Variants in ANLN observed in about 807,000 individuals in gnomAD.
ANLN encodes anillin, actin binding protein, also known as anillin.
Under a neutral mutation model 135.1 loss-of-function variants are expected in ANLN, and 59 were observed. That is an observed-to-expected ratio of 0.44 (90% confidence interval 0.35 to 0.54). The LOEUF is 0.54. Among genes scored for constraint, ANLN ranks in the 20% least tolerant of loss-of-function variants. The pLI is 0.00. For missense variants in ANLN, 1,182 were observed against 1,340.0 expected (o/e 0.88, Z 1.84); for synonymous variants, 406 against 456.4 (o/e 0.89, Z 1.41).
At chr7:36,434,940 G>T (rs1259124405) in intron 20 of ANLN, among the ~76,000 whole-genome samples, 1 of 152,086 alleles carries the variant, frequency 6.6e-6, no homozygotes, top group Non-Finnish European at 1.5e-5. Flanking sequence ...AACAGAAAGC[G>T]TATCATTGGT....
intron 7 of ANLN, among the ~76,000 whole-genome samples, chr7:36,412,201 A>G (rs1268351534): frequency 1.3e-5 from 2 of 151,102 alleles, no homozygotes; most frequent in African/African-American, 4.9e-5. Flanking sequence ...CTCGTCTTCC[A>G]TATTTTCCTC....
chr7:36,412,714 C>T (rs1583613719), intron 7 of ANLN, among the ~76,000 whole-genome samples: 1 of 152,244 alleles, frequency 6.6e-6, no homozygotes, highest in Admixed American at 6.5e-5. Flanking sequence ...AGAAAAAATG[C>T]GTAAACTGCT....
intron 20 of ANLN, among the ~76,000 whole-genome samples, chr7:36,436,067 T>A (rs956752524): frequency 5.3e-5 from 8 of 152,206 alleles, no homozygotes; most frequent in African/African-American, 1.7e-4. Context: ...TTCGAAATAT[T>A]TTTATGTCTC....
intron 5 of ANLN, among the ~76,000 whole-genome samples, chr7:36,409,043 A>G (rs1347859776): frequency 1.3e-5 from 2 of 151,564 alleles, no homozygotes; most frequent in African/African-American, 4.9e-5. Flanking sequence ...GGAAGCGGTT[A>G]TGGGGTAGGT....
In ANLN at chr7:36,419,230, G is replaced by C; in HGVS notation, c.1634-14G>C. 1 of 1,585,924 alleles carries C rather than the reference G, an allele frequency of 6.3e-7. No homozygotes were observed. The highest frequency in any genetic ancestry group is 8.7e-7 in the Non-Finnish European group (1 of 1,155,106). ...ATCTGAGTCACAGTGTCCACCTATT[G>C]AAATATTTTTCAGAAGTGATACGTG... On this transcript the variant is annotated splice_polypyrimidine_tract_variant and intron_variant, in intron 9 of 23. Transcript: ENST00000265748.
At chr7:36,390,182 G>A (rs1468250280) in intron 1 of ANLN, 138 bp downstream of exon 1, 19 of 1,462,922 alleles carry the variant, frequency 1.3e-5, no homozygotes, top group African/African-American at 1.1e-4. Flanking sequence ...TGCGGGCCGG[G>A]GTCGCCGCGG....
intron 3 of ANLN, among the ~76,000 whole-genome samples, chr7:36,399,908 A>T (rs1352196637): frequency 6.6e-6 from 1 of 152,126 alleles, no homozygotes; most frequent in Non-Finnish European, 1.5e-5. Context: ...TCGGAAGGGG[A>T]ACCTGAGAAG....
intron 1 of ANLN, among the ~76,000 whole-genome samples, chr7:36,392,945 T>C (rs1786540331): frequency 6.6e-6 from 1 of 152,168 alleles, no homozygotes; most frequent in African/African-American, 2.4e-5. Flanking sequence ...AGGCTAGTGT[T>C]GTATCTGGGA....
intron 1 of ANLN, among the ~76,000 whole-genome samples, chr7:36,395,688 C>CTGT (rs760213470): frequency 3.6e-4 from 54 of 152,060 alleles, no homozygotes; most frequent in Admixed American, 9.2e-4. Flanking sequence ...CTCAGCCGGG[C>CTGT]TGTTCTTCTG....
At chr7:36,414,894 A>C (rs1472041376) in intron 7 of ANLN, among the ~76,000 whole-genome samples, 1 of 152,162 alleles carries the variant, frequency 6.6e-6, no homozygotes, top group African/African-American at 2.4e-5. Context: ...TTTGTGTCTC[A>C]GTTCTCTCAT....
At chr7:36,415,377 GT>G (rs1455874264) in intron 7 of ANLN, among the ~76,000 whole-genome samples, 1 of 150,230 alleles carries the variant, frequency 6.7e-6, no homozygotes, top group East Asian at 2.0e-4. Flanking sequence ...TTCCCTTTGT[GT>G]GGCTTTCACT....
chr7:36,419,846 A>G (rs1787800535), intron 10 of ANLN, among the ~76,000 whole-genome samples: 1 of 152,228 alleles, frequency 6.6e-6, no homozygotes, highest in African/African-American at 2.4e-5. Context: ...TTGTATTAGT[A>G]TATCGGTAGT....
intron 3 of ANLN, among the ~76,000 whole-genome samples, chr7:36,405,399 T>C (rs1787146821): frequency 6.6e-6 from 1 of 152,222 alleles, no homozygotes; most frequent in East Asian, 1.9e-4. Context: ...GAGGGCTTAT[T>C]TCGAGCAAGA....
At chr7:36,422,194 G>A (rs913419012) in intron 13 of ANLN, among the ~76,000 whole-genome samples, 21 of 152,154 alleles carry the variant, frequency 1.4e-4, no homozygotes, top group Non-Finnish European at 2.8e-4. Flanking sequence ...AGAAGCAACC[G>A]AAAGGCATTT....
chr7:36,398,755 C>A (rs1453740296), intron 2 of ANLN, among the ~76,000 whole-genome samples: 1 of 151,896 alleles, frequency 6.6e-6, no homozygotes, highest in Non-Finnish European at 1.5e-5. Context: ...AGTCTTTTAT[C>A]CCTCGCCCCC....
chr7:36,397,560 A>G (rs1304314284), intron 2 of ANLN, among the ~76,000 whole-genome samples: 5 of 152,214 alleles, frequency 3.3e-5, no homozygotes, highest in Admixed American at 6.5e-5. Flanking sequence ...TTCATAGAAA[A>G]TAGATCGATA....
intron 14 of ANLN, among the ~76,000 whole-genome samples, chr7:36,423,227 C>T (rs1226952446): frequency 6.6e-6 from 1 of 152,058 alleles, no homozygotes; most frequent in Non-Finnish European, 1.5e-5. Flanking sequence ...AAGCAAATTT[C>T]AGGCATAGGG....
At chr7:36,445,683 G>A (rs868335629) in intron 22 of ANLN, among the ~76,000 whole-genome samples, 2 of 152,314 alleles carry the variant, frequency 1.3e-5, no homozygotes, top group Middle Eastern at 3.4e-3. Context: ...CAGCCCACAT[G>A]CAGGAAGATT....
intron 20 of ANLN, among the ~76,000 whole-genome samples, chr7:36,438,980 A>C (rs550861888): frequency 3.3e-5 from 5 of 152,300 alleles, no homozygotes; most frequent in Admixed American, 2.0e-4. Context: ...CTTGAGACTT[A>C]GGGCTTTTGG....
Sources: allele counts gnomAD v4.1 joint callset (sites outside exome capture counted in the v4.1 genomes callset), GRCh38; gene constraint gnomAD v4.1.1; transcripts MANE v1.5; gene names NCBI Gene and HGNC (gene_info 2026-07-23, HGNC 2026-07-21).